OR13C9: variants seen among roughly 807,000 people sequenced by gnomAD.
The protein encoded by OR13C9 is olfactory receptor 13C9.
For missense variants in OR13C9, 368 were observed against 382.2 expected (o/e 0.96, Z 0.31); for synonymous variants, 133 against 134.9 (o/e 0.99, Z 0.10).
Position 104,617,314 on chromosome 9 carries a change from A to T in OR13C9, c.891T>A (p.Ser297Arg). The stretch of plus-strand genomic sequence containing the variant: ...CCTCTTTCACATCCTTGTTTCTAAG[A>T]CTGTAGATTAAAGGATTCATCATGG... ...MTPMMNPLIY[S>R]LRNKDVKEAV... Residue 297 changes from serine (S) to arginine (R), a missense_variant, in exon 1 of 1, where the codon AGT becomes AGA. Transcript: ENST00000259362. The T allele has an allele frequency of 1.2e-6, 2 of 1,613,620 alleles. No homozygotes were observed. The highest frequency in any genetic ancestry group is 1.7e-6 in the Non-Finnish European group (2 of 1,179,758).
At position 104,617,895 on chromosome 9, in the gene OR13C9, C is replaced by T. The variant is rs765101156; in HGVS notation, c.310G>A (p.Gly104Ser). Reference protein sequence around the residue: ...FSGCAVQMFLGLAMGTTECVL... With the variant: ...FSGCAVQMFLSLAMGTTECVL... ...CACTCTGTTGTCCCCATGGCCAAGC[C>T]AAGGAACATCTGCACTGCACAGCCA... Residue 104 changes from glycine to serine, a missense_variant, in exon 1 of 1, where the codon GGC becomes AGC. Physicochemically the swap from Gly to Ser is moderately conservative, Grantham distance 56. Transcript: ENST00000259362. 98 of 1,613,824 alleles carry T rather than the reference C, an allele frequency of 6.1e-5. No individual in the cohort carries two copies. The highest frequency in any genetic ancestry group is 7.6e-5 in the Non-Finnish European group (90 of 1,179,972).
chr9:104,617,843 T>C lies in OR13C9; in HGVS notation c.362A>G (p.Asp121Gly), dbSNP rs1417187120. The C allele has an allele frequency of 3.1e-6, 5 of 1,613,974 alleles. No homozygotes were observed. Among genetic ancestry groups the C allele is most frequent in the Non-Finnish European group, 4.2e-6 (5 of 1,179,978 alleles). The change falls in exon 1 of 1, where the codon GAC (aspartate) becomes GGC (glycine). Residue 121 changes from aspartate to glycine, a missense_variant. Coordinates refer to ENST00000259362, the MANE Select transcript of OR13C9 (RefSeq NM_001001956.1). ...AGGGTTGCAGATAGCCACATAGCGG[T>C]CAAAGGCCATCATGCCCAGAAGCAC... is the stretch of plus-strand genomic sequence containing the variant. ...ECVLLGMMAF[D>G]RYVAICNPLR...
In OR13C9 at chr9:104,617,800, G is replaced by A; in HGVS notation, c.405C>T (p.Ile135=). The part of the protein sequence containing the change: ...AICNPLRYPI[I]MSKNAYVPMA... ...TGGGTACATAGGCATTCTTGCTCATGATGATGGGATATCTCAGAGGGTTGC... is the reference window on the plus strand; with the variant it reads ...TGGGTACATAGGCATTCTTGCTCATAATGATGGGATATCTCAGAGGGTTGC... The change falls in exon 1 of 1, where the codon ATC becomes ATT. Residue 135 remains isoleucine, a synonymous_variant. Coordinates refer to ENST00000259362, the MANE Select transcript of OR13C9 (RefSeq NM_001001956.1). 6.2e-7 allele frequency: 1 copy of A among 1,614,026 alleles called. No individual in the cohort carries two copies. The highest frequency in any genetic ancestry group is 1.3e-5 in the African/African-American group (1 of 74,984).
rs1200307302 is a variant in OR13C9 at position 104,618,183 on chromosome 9, T to C, written c.22A>G (p.Ile8Val). 7 of 1,613,078 alleles carry C rather than the reference T, an allele frequency of 4.3e-6. No individual in the cohort carries two copies. In the East Asian group the frequency reaches 1.6e-4, roughly 36 times the overall value. Residue 8 changes from isoleucine to valine, a missense_variant, in exon 1 of 1, where the codon ATT (isoleucine) becomes GTT (valine). Ile to Val is a conservative substitution (Grantham distance 29). Transcript: ENST00000259362. MEWENQT[I>V]LVEFFLKGHS... ...CCCTTCAGAAAAAATTCCACCAGAA[T>C]GGTTTGGTTTTCCCATTCCATTTAA...
chr9:104,617,752 T>G lies in OR13C9; in HGVS notation c.453A>C (p.Ala151=), dbSNP rs771361598. The change falls in exon 1 of 1, where the codon GCA becomes GCC. Residue 151 remains alanine, a synonymous_variant. Transcript: ENST00000259362. ...TTTGTACTGCAGAGTTGACAATCCC[T>G]GCAAACCAGGACCCAACAGCCATGG... ...YVPMAVGSWF[A]GIVNSAVQTT... is the part of the protein sequence containing the mutation. The G allele has an allele frequency of 5.0e-6, 8 of 1,613,848 alleles. No homozygotes were observed. In the African/African-American group the frequency reaches 1.1e-4, roughly 22 times the overall value.
rs201277206 is a variant in OR13C9 at position 104,617,829 on chromosome 9, T to C, written c.376A>G (p.Ile126Val). The change falls in exon 1 of 1, where the codon ATC becomes GTC. Residue 126 changes from isoleucine (I) to valine (V), a missense_variant. By Grantham distance (29) the Ile-to-Val change is conservative (BLOSUM62 3). Coordinates refer to ENST00000259362, the MANE Select transcript of OR13C9 (RefSeq NM_001001956.1). ...ATGGGATATCTCAGAGGGTTGCAGA[T>C]AGCCACATAGCGGTCAAAGGCCATC... ...GMMAFDRYVA[I>V]CNPLRYPIIM... is the part of the protein sequence containing the mutation. 102 of 1,613,912 alleles carry C rather than the reference T, an allele frequency of 6.3e-5. No individual in the cohort carries two copies. The highest frequency in any genetic ancestry group is 8.3e-5 in the Non-Finnish European group (98 of 1,179,988).
chr9:104,617,986 G>A lies in OR13C9; in HGVS notation c.219C>T (p.Tyr73=). The change falls in exon 1 of 1, where the codon TAC becomes TAT. Residue 73 remains tyrosine, a synonymous_variant. Coordinates refer to ENST00000259362, the MANE Select transcript of OR13C9 (RefSeq NM_001001956.1). ...GTGTGGAGGGAATAGAGGTGGTGGT[G>A]TAGCAGATGTCCAAGAAGGAGAGGT... is the stretch of plus-strand genomic sequence containing the variant. ...LGNLSFLDIC[Y]TTTSIPSTLV... The A allele has an allele frequency of 1.2e-6, 2 of 1,614,046 alleles. No individual in the cohort carries two copies. Among genetic ancestry groups the A allele is most frequent in the Admixed American group, 1.7e-5 (1 of 59,964 alleles).
In OR13C9 at chr9:104,617,384, T is replaced by C. The variant is rs1826461447; in HGVS notation, c.821A>G (p.Asp274Gly). The stretch of plus-strand genomic sequence containing the variant: ...CATGGATATAATTTTGTCGGTAGCA[T>C]CCAAGTCATCTGAATTAAGTGTCTC... ...SKETLNSDDL[D>G]ATDKIISMFY... The change falls in exon 1 of 1, where the codon GAT becomes GGT. Residue 274 changes from aspartate (D) to glycine (G), a missense_variant. Asp to Gly is a moderately conservative substitution (Grantham distance 94). Coordinates refer to ENST00000259362, the MANE Select transcript of OR13C9 (RefSeq NM_001001956.1). The C allele has an allele frequency of 1.2e-6, 2 of 1,613,840 alleles. No individual in the cohort carries two copies. Among genetic ancestry groups the C allele is most frequent in the Non-Finnish European group, 1.7e-6 (2 of 1,179,888 alleles).
rs777889300 is a variant in OR13C9 at position 104,617,832 on chromosome 9, C to A, written c.373G>T (p.Ala125Ser). 30 of 1,613,876 alleles carry A rather than the reference C, an allele frequency of 1.9e-5. 1 individual carries two copies. The highest frequency in any genetic ancestry group is 5.5e-5 in the South Asian group (5 of 91,082). ...GGATATCTCAGAGGGTTGCAGATAG[C>A]CACATAGCGGTCAAAGGCCATCATG... is the stretch of plus-strand genomic sequence containing the variant. ...LGMMAFDRYV[A>S]ICNPLRYPII... The change falls in exon 1 of 1, where the codon GCT becomes TCT. Residue 125 changes from alanine (A) to serine (S), a missense_variant. Coordinates refer to ENST00000259362, the MANE Select transcript of OR13C9 (RefSeq NM_001001956.1).
Position 104,617,678 on chromosome 9 carries a change from TG to T in OR13C9, c.526del (p.His176IlefsTer7). On this transcript the variant is annotated frameshift_variant, in exon 1 of 1. Transcript: ENST00000259362. LOFTEE classifies it low-confidence loss of function (END_TRUNC). ...GACAGCTAGAATTTCACATGAGAAA[TG>T]ATTGATGACATTCTTCCTGCAGAAA... ...LPFCRKNVIN[H>X]FSCEILAVMK... is the part of the protein sequence containing the mutation. 6.2e-7 allele frequency: 1 copy of T among 1,613,912 alleles called. No homozygotes were observed.
Position 104,617,873 on chromosome 9 carries a change from T to A in OR13C9, c.332A>T (p.Glu111Val). 1 of 1,613,926 alleles carries A rather than the reference T, an allele frequency of 6.2e-7. No homozygotes were observed. The highest frequency in any genetic ancestry group is 8.5e-7 in the Non-Finnish European group (1 of 1,179,974). The change falls in exon 1 of 1, where the codon GAG (glutamate) becomes GTG (valine). Residue 111 changes from glutamate (E) to valine (V), a missense_variant. By Grantham distance (121) the Glu-to-Val change is moderately radical (BLOSUM62 -2). Coordinates refer to ENST00000259362, the MANE Select transcript of OR13C9 (RefSeq NM_001001956.1). ...GGCCATCATGCCCAGAAGCACACAC[T>A]CTGTTGTCCCCATGGCCAAGCCAAG... is the stretch of plus-strand genomic sequence containing the variant. ...MFLGLAMGTT[E>V]CVLLGMMAFD...
At position 104,617,499 on chromosome 9, in the gene OR13C9, T is replaced by C. The variant is rs1214010474; in HGVS notation, c.706A>G (p.Lys236Glu). The C allele has an allele frequency of 6.2e-7, 1 of 1,613,860 alleles. No homozygotes were observed. The highest frequency in any genetic ancestry group is 1.7e-5 in the Admixed American group (1 of 59,912). Reference sequence around the variant, plus strand: ...TGGGCTGAGCAGGTAGAGAAAGCTTTGCTTCTCCCCTCAGAGGAGTGAATC... The same window carrying C: ...TGGGCTGAGCAGGTAGAGAAAGCTTCGCTTCTCCCCTCAGAGGAGTGAATC... The part of the protein sequence containing the change: ...LKIHSSEGRS[K>E]AFSTCSAHLT... Residue 236 changes from lysine to glutamate, a missense_variant, in exon 1 of 1, where the codon AAA (lysine) becomes GAA (glutamate). By Grantham distance (56) the Lys-to-Glu change is moderately conservative. Transcript: ENST00000259362.
chr9:104,617,636 G>A lies in OR13C9; in HGVS notation c.569C>T (p.Ala190Val). 6.2e-7 allele frequency: 1 copy of A among 1,613,762 alleles called. No individual in the cohort carries two copies. Among genetic ancestry groups the A allele is most frequent in the South Asian group, 1.1e-5 (1 of 91,072 alleles). ...GAGGAACTCATTGCCTGAGATGTCA[G>A]CACAGGCCAACTTCATGACAGCTAG... ...EILAVMKLAC[A>V]DISGNEFLML... is the part of the protein sequence containing the mutation. Residue 190 changes from alanine (A) to valine (V), a missense_variant, in exon 1 of 1, where the codon GCT becomes GTT. Coordinates refer to ENST00000259362, the MANE Select transcript of OR13C9 (RefSeq NM_001001956.1).
rs76499263 is a variant in OR13C9, at chr9:104,618,104, A to G, written c.101T>C (p.Met34Thr). ...ATTCCCCAGAAGGATGACCACATAC[A>G]TTATGAAGATTAGCACAAAAAAGAG... ...ELLFFVLIFI[M>T]YVVILLGNGT... The change falls in exon 1 of 1, where the codon ATG becomes ACG. Residue 34 changes from methionine (M) to threonine (T), a missense_variant. Physicochemically the swap from Met to Thr is moderately conservative, Grantham distance 81. Coordinates refer to ENST00000259362, the MANE Select transcript of OR13C9 (RefSeq NM_001001956.1). 1.9e-6 allele frequency: 3 copies of G among 1,613,860 alleles called. No homozygotes were observed. The Admixed American group carries it at 5.0e-5, about 27-fold the overall frequency.
rs756452478 is a variant in OR13C9, at chr9:104,618,201, C to G, written c.4G>C (p.Glu2Gln). The change falls in exon 1 of 1, where the codon GAA becomes CAA. Residue 2 changes from glutamate (E) to glutamine (Q), a missense_variant. Glu to Gln is a conservative substitution (Grantham distance 29, BLOSUM62 2). Coordinates refer to ENST00000259362, the MANE Select transcript of OR13C9 (RefSeq NM_001001956.1). The stretch of plus-strand genomic sequence containing the variant: ...ACCAGAATGGTTTGGTTTTCCCATT[C>G]CATTTAAATGTCTCTCTTTTACCTG... M[E>Q]WENQTILVEF... 4 of 1,607,930 alleles carry G rather than the reference C, an allele frequency of 2.5e-6. No homozygotes were observed. Among genetic ancestry groups the G allele is most frequent in the Middle Eastern group, 3.3e-4 (2 of 6,024 alleles).
rs77624771 is a variant in OR13C9 at position 104,617,841 on chromosome 9, G to A, written c.364C>T (p.Arg122Cys). 3.7e-3 allele frequency: 5,952 copies of A among 1,613,942 alleles called. 177 individuals carry two copies. In the African/African-American group the frequency reaches 0.067, roughly 18 times the overall value. The change falls in exon 1 of 1, where the codon CGC becomes TGC. Residue 122 changes from arginine (R) to cysteine (C), a missense_variant. Coordinates refer to ENST00000259362, the MANE Select transcript of OR13C9 (RefSeq NM_001001956.1). ...AGAGGGTTGCAGATAGCCACATAGC[G>A]GTCAAAGGCCATCATGCCCAGAAGC... is the stretch of plus-strand genomic sequence containing the variant. Reference protein sequence around the residue: ...CVLLGMMAFDRYVAICNPLRY... With the variant: ...CVLLGMMAFDCYVAICNPLRY...
In OR13C9 at chr9:104,617,288, G is replaced by T. The variant is rs79735313; in HGVS notation, c.917C>A (p.Ala306Glu). 6.2e-7 allele frequency: 1 copy of T among 1,612,930 alleles called. No homozygotes were observed. The highest frequency in any genetic ancestry group is 2.2e-5 in the East Asian group (1 of 44,880). ...CCTTCTGTTCGGTAGGTGTTTTACT[G>T]CCTCTTTCACATCCTTGTTTCTAAG... is the stretch of plus-strand genomic sequence containing the variant. ...YSLRNKDVKE[A>E]VKHLPNRRFF... The change falls in exon 1 of 1, where the codon GCA (alanine) becomes GAA (glutamate). Residue 306 changes from alanine to glutamate, a missense_variant. Physicochemically the swap from Ala to Glu is moderately radical, Grantham distance 107. Transcript: ENST00000259362.
Position 104,617,618 on chromosome 9 carries a change from T to C in OR13C9, c.587A>G (p.Glu196Gly). ...KLACADISGNEFLMLVATILF... is the reference protein window; with the variant it reads ...KLACADISGNGFLMLVATILF... ...TATTGTGGCCACAAGCATGAGGAACTCATTGCCTGAGATGTCAGCACAGGC... is the reference window on the plus strand; with the variant it reads ...TATTGTGGCCACAAGCATGAGGAACCCATTGCCTGAGATGTCAGCACAGGC... Residue 196 changes from glutamate (E) to glycine (G), a missense_variant, in exon 1 of 1, where the codon GAG (glutamate) becomes GGG (glycine). Glu to Gly is a moderately conservative substitution (Grantham distance 98). Coordinates refer to ENST00000259362, the MANE Select transcript of OR13C9 (RefSeq NM_001001956.1). 1.2e-6 allele frequency: 2 copies of C among 1,613,866 alleles called. No individual in the cohort carries two copies. The highest frequency in any genetic ancestry group is 1.7e-6 in the Non-Finnish European group (2 of 1,179,902).
chr9:104,617,346 T>C lies in OR13C9; in HGVS notation c.859A>G (p.Met287Val). 6.2e-7 allele frequency: 1 copy of C among 1,613,848 alleles called. No homozygotes were observed. The highest frequency in any genetic ancestry group is 8.5e-7 in the Non-Finnish European group (1 of 1,179,868). Residue 287 changes from methionine (M) to valine (V), a missense_variant, in exon 1 of 1, where the codon ATG becomes GTG. Coordinates refer to ENST00000259362, the MANE Select transcript of OR13C9 (RefSeq NM_001001956.1). ...ATTAAAGGATTCATCATGGGAGTCA[T>C]CACCCCATAGAACATGGATATAATT... ...DKIISMFYGV[M>V]TPMMNPLIYS...
Sources: gnomAD v4.1 joint callset for allele counts on GRCh38, gnomAD v4.1.1 for gene constraint, MANE v1.5 for transcripts, NCBI Gene and HGNC (gene_info 2026-07-23, HGNC 2026-07-21) for gene names.